The following PCGF1 variants were observed in gnomAD, a reference collection of about 807,000 sequenced individuals.
PCGF1 encodes the protein polycomb group RING finger protein 1.
In PCGF1, 10 loss-of-function variants were observed where a neutral mutation model predicts 38.8. That is an observed-to-expected ratio of 0.26 (90% CI 0.16 to 0.44). The LOEUF is 0.44. Ranked by LOEUF, PCGF1 falls within the 20% of genes least tolerant of loss-of-function variation. The pLI is 1.00. For missense variants in PCGF1, 230 were observed against 331.5 expected (o/e 0.69, Z 2.38); for synonymous variants, 119 against 121.3 (o/e 0.98, Z 0.12).
In PCGF1 at chr2:74,505,124, T is replaced by C. The variant is rs1271482387; in HGVS notation, c.*19A>G. On this transcript the variant is annotated 3_prime_UTR_variant, in exon 9 of 9. Transcript: ENST00000233630. ...ATCTGGGGAGGGAAGGGGAGTGGGA[T>C]GGGGTGGGGGCTTGGCCCCTACCTC... 17 of 1,437,880 alleles carry C rather than the reference T, an allele frequency of 1.2e-5. No individual in the cohort carries two copies. The highest frequency in any genetic ancestry group is 1.6e-5 in the Non-Finnish European group (17 of 1,079,736). The allele number at this position is 1,437,880 out of a possible 1,614,324, so 89.1% of individuals were successfully genotyped here.
chr2:74,506,722 G>T lies in PCGF1; in HGVS notation c.352+10C>A. The T allele has an allele frequency of 6.2e-7, 1 of 1,613,372 alleles. No individual in the cohort carries two copies. Among genetic ancestry groups the T allele is most frequent in the South Asian group, 1.1e-5 (1 of 91,038 alleles). ...TCAAGAGGCCCCTCAAAGTCAGGTT[G>T]GTGACTCACTGTCTTGCAAGCCAGG... On this transcript the variant is annotated intron_variant, in intron 3 of 8. Transcript: ENST00000233630.
chr2:74,505,816 C>T (rs201312933), intron 5 of PCGF1, 46 bp from the exon 6 acceptor site: 20 of 1,612,296 alleles, frequency 1.2e-5, no homozygotes. Flanking sequence ...CTTTCCTCCT[C>T]TTCCCCACCC....
At chr2:74,506,950 C>T in intron 2 of PCGF1, 66 bp from the exon 3 acceptor site, 3 of 1,608,310 alleles carry the variant, frequency 1.9e-6, no homozygotes, top group South Asian at 1.1e-5. Flanking sequence ...GGGTGGGGTG[C>T]CTGGATGCGT....
chr2:74,506,529 G>GA (rs1457676093), intron 3 of PCGF1: 2 of 642,176 alleles, frequency 3.1e-6, no homozygotes, highest in African/African-American at 3.7e-5. Flanking sequence ...AGTGAGCTGA[G>GA]ATTGCGCCAC....
Position 74,507,154 on chromosome 2 carries a change from A to C in PCGF1, c.94-7T>G. On this transcript the variant is annotated splice_polypyrimidine_tract_variant and splice_region_variant and intron_variant, in intron 1 of 8. Coordinates refer to ENST00000233630, the MANE Select transcript of PCGF1 (RefSeq NM_032673.3). Reference sequence around the variant, plus strand: ...TCTTCACTCGAACCTCCTCCTGAAGATACACCCTCCGTCACCAATCATCCA... The same window carrying C: ...TCTTCACTCGAACCTCCTCCTGAAGCTACACCCTCCGTCACCAATCATCCA... The C allele has an allele frequency of 6.2e-7, 1 of 1,613,102 alleles. No homozygotes were observed. The highest frequency in any genetic ancestry group is 1.7e-5 in the Admixed American group (1 of 59,984).
chr2:74,507,270 C>G (rs1674661930), intron 1 of PCGF1, 123 bp from the exon 2 acceptor site: 2 of 1,482,400 alleles, frequency 1.3e-6, no homozygotes. Flanking sequence ...GCGCCATCAG[C>G]CGGGGATTAG....
Position 74,505,649 on chromosome 2 carries a change from G to A in PCGF1, c.565-11C>T. On this transcript the variant is annotated splice_polypyrimidine_tract_variant and intron_variant, in intron 6 of 8. Coordinates refer to ENST00000233630, the MANE Select transcript of PCGF1 (RefSeq NM_032673.3). ...TCGGACATACTTGTTCTGGGAGCAGGGAGGGGAGGGAAGAGGGCAAGGTGT... is the reference window on the plus strand; with the variant it reads ...TCGGACATACTTGTTCTGGGAGCAGAGAGGGGAGGGAAGAGGGCAAGGTGT... 2.5e-6 allele frequency: 4 copies of A among 1,614,076 alleles called. No homozygotes were observed. Among genetic ancestry groups the A allele is most frequent in the South Asian group, 2.2e-5 (2 of 91,076 alleles).
intron 4 of PCGF1, 44 bp from the exon 5 acceptor site, chr2:74,506,101 ATACTCCTCTT>A (rs1674625448): frequency 6.2e-7 from 1 of 1,612,256 alleles, no homozygotes; most frequent in Admixed American, 1.7e-5. Flanking sequence ...CACACATTCC[ATACTCCTCTT>A]TCCCCAGAGA....
chr2:74,505,263 C>G, intron 8 of PCGF1, 73 bp from the exon 9 acceptor site: 1 of 1,571,008 alleles, frequency 6.4e-7, no homozygotes, highest in Non-Finnish European at 8.6e-7. Context: ...CTCAGCCCAC[C>G]CTTCCCCTGA....
intron 1 of PCGF1, 179 bp downstream of exon 1, chr2:74,507,397 G>A: frequency 2.8e-6 from 4 of 1,453,812 alleles, no homozygotes; most frequent in African/African-American, 1.4e-5. Context: ...CAACGTCGGC[G>A]ACACAACGCG....
intron 1 of PCGF1, 138 bp downstream of exon 1, chr2:74,507,437 GA>G: frequency 6.8e-7 from 1 of 1,466,400 alleles, no homozygotes; most frequent in Non-Finnish European, 9.0e-7. Context: ...TTGGCAACCC[GA>G]TCGCAACCAC....
At chr2:74,506,957 G>A in intron 2 of PCGF1, 73 bp from the exon 3 acceptor site, 2 of 1,600,106 alleles carry the variant, frequency 1.2e-6, no homozygotes, top group Admixed American at 1.7e-5. Context: ...GTGCCTGGAT[G>A]CGTGAGGCAG....
intron 2 of PCGF1, 67 bp from the exon 3 acceptor site, chr2:74,506,951 C>G: frequency 6.2e-7 from 1 of 1,609,010 alleles, no homozygotes; most frequent in East Asian, 2.2e-5. Context: ...GGTGGGGTGC[C>G]TGGATGCGTG....
chr2:74,506,087 G>C, intron 4 of PCGF1, 30 bp from the exon 5 acceptor site: 1 of 1,612,898 alleles, frequency 6.2e-7, no homozygotes, highest in Non-Finnish European at 8.5e-7. Context: ...GAGGTGGCTG[G>C]TGGCACACAT....
rs542685338 is a variant in PCGF1 at position 74,505,045 on chromosome 2, CT to C, written c.*97del. ...GGAAGAATAAGGCAGAAGAGAGGTG[CT>C]TTTTAAAAGTTTTTATTTCAAAAAA... On this transcript the variant is annotated 3_prime_UTR_variant, in exon 9 of 9. Coordinates refer to ENST00000233630, the MANE Select transcript of PCGF1 (RefSeq NM_032673.3). 484 of 1,300,668 alleles carry C rather than the reference CT, an allele frequency of 3.7e-4. 2 individuals are homozygous for C. The African/African-American group carries it at 6.6e-3, about 18-fold the overall frequency. 80.6% of individuals were successfully genotyped at this position (1,300,668 alleles called of 1,614,324 possible). A position where few individuals can be genotyped will look rare whatever the true frequency, so the allele number is the denominator to read the frequency against.
At position 74,506,902 on chromosome 2, in the gene PCGF1, C is replaced by G; in HGVS notation, c.200-18G>C. The G allele has an allele frequency of 6.2e-7, 1 of 1,614,070 alleles. No homozygotes were observed. The highest frequency in any genetic ancestry group is 1.1e-5 in the South Asian group (1 of 91,080). ...CTTGCAGACTGCAGGAAAAGAAAAG[C>G]AGATTCTCAGGCCCTCTGGAAACTG... On this transcript the variant is annotated intron_variant, in intron 2 of 8. Transcript: ENST00000233630.
intron 1 of PCGF1, 106 bp downstream of exon 1, chr2:74,507,469 GT>G: frequency 6.6e-7 from 1 of 1,507,064 alleles, no homozygotes; most frequent in Non-Finnish European, 8.8e-7. Context: ...TGGGCACTCT[GT>G]CTCTGCGCAG....
intron 1 of PCGF1, 24 bp from the exon 2 acceptor site, chr2:74,507,171 A>C: frequency 6.2e-7 from 1 of 1,607,544 alleles, no homozygotes; most frequent in Admixed American, 1.7e-5. Context: ...CTCCGTCACC[A>C]ATCATCCACC....
chr2:74,506,131 G>A, intron 4 of PCGF1, 50 bp downstream of exon 4: 1 of 1,612,412 alleles, frequency 6.2e-7, no homozygotes, highest in Non-Finnish European at 8.5e-7. Context: ...AGCAAAACTG[G>A]GCAAGAAGAA....
Sources: allele counts gnomAD v4.1 joint callset, GRCh38; gene constraint gnomAD v4.1.1; transcripts MANE v1.5; gene names NCBI Gene and HGNC (gene_info 2026-07-23, HGNC 2026-07-21).